Variants in ANTXR1 observed in about 807,000 individuals in gnomAD.
The protein encoded by ANTXR1 is ANTXR cell adhesion molecule 1.
ANTXR1 carries 19 observed loss-of-function variants against 78.1 expected under a neutral mutation model. The observed-to-expected ratio is 0.24, with a 90% CI of 0.17 to 0.36. ANTXR1 has a LOEUF of 0.36. ANTXR1 is among the 10% of genes least tolerant of loss of function. The probability of loss-of-function intolerance (pLI) is 1.00; values close to 1 mark genes in which losing one functional copy is unlikely to be tolerated. For missense variants in ANTXR1, 518 were observed against 718.6 expected (o/e 0.72, Z 3.19); for synonymous variants, 273 against 260.5 (o/e 1.05, Z -0.46).
chr2:69,242,718 A>C (rs1675923367), intron 17 of ANTXR1, among the ~76,000 whole-genome samples: 1 of 152,244 alleles, frequency 6.6e-6, no homozygotes, highest in African/African-American at 2.4e-5. Flanking sequence ...AGGGCAGAAC[A>C]GATAGCACAG....
intron 17 of ANTXR1, among the ~76,000 whole-genome samples, chr2:69,230,818 T>C (rs1319270853): frequency 6.6e-6 from 1 of 152,196 alleles, no homozygotes; most frequent in Non-Finnish European, 1.5e-5. Flanking sequence ...TTAACTTTTA[T>C]TTTAGGTTTG....
At chr2:69,145,938 A>G (rs1673214171) in intron 12 of ANTXR1, 4 of 985,600 alleles carry the variant, frequency 4.1e-6, no homozygotes, top group Non-Finnish European at 3.6e-6. Context: ...TGAAGTTCCA[A>G]ATGTATACCT....
At chr2:69,024,579 G>A (rs79701529) in intron 1 of ANTXR1, among the ~76,000 whole-genome samples, 2 of 152,080 alleles carry the variant, frequency 1.3e-5, no homozygotes, top group South Asian at 4.2e-4. Flanking sequence ...TGGGGGGAAG[G>A]GGTGATCATT....
At chr2:69,200,406 G>C (rs750816579) in intron 17 of ANTXR1, among the ~76,000 whole-genome samples, 1 of 152,216 alleles carries the variant, frequency 6.6e-6, no homozygotes, top group Admixed American at 6.5e-5. Context: ...CCCTACTGTC[G>C]CAGAGGCGAG....
chr2:69,242,501 A>C (rs1264829457), intron 17 of ANTXR1, among the ~76,000 whole-genome samples: 1 of 152,182 alleles, frequency 6.6e-6, no homozygotes, highest in Non-Finnish European at 1.5e-5. Flanking sequence ...AATTGAAGAG[A>C]ATAAGTACAT....
At chr2:69,021,364 A>G (rs1671183911) in intron 1 of ANTXR1, among the ~76,000 whole-genome samples, 1 of 152,264 alleles carries the variant, frequency 6.6e-6, no homozygotes, top group Non-Finnish European at 1.5e-5. Flanking sequence ...AAGGTAGGTC[A>G]GGTTATGCTG....
intron 12 of ANTXR1, among the ~76,000 whole-genome samples, chr2:69,129,639 T>C (rs1672659971): frequency 6.6e-6 from 1 of 151,810 alleles, no homozygotes; most frequent in African/African-American, 2.4e-5. Context: ...TAATCCCAGC[T>C]ACTCAGGAGG....
At chr2:69,215,834 C>T (rs1462222378) in intron 17 of ANTXR1, among the ~76,000 whole-genome samples, 1 of 152,226 alleles carries the variant, frequency 6.6e-6, no homozygotes, top group Non-Finnish European at 1.5e-5. Flanking sequence ...TCTTCAAATT[C>T]TTCACTTGGC....
Position 69,109,224 on chromosome 2 carries a change from T to C in ANTXR1, c.802+6284T>C, listed in dbSNP as rs118064484. On this transcript the variant is annotated intron_variant, in intron 10 of 17. Transcript: ENST00000303714. ...CGATGCACAGTTAAGAGTCAGTCAG[T>C]GTTGGCTGCTGGTACTACCATATCA... is the stretch of plus-strand genomic sequence containing the variant. 1.4e-3 allele frequency among the ~76,000 whole-genome samples: 206 copies of C among 152,302 alleles called. 2 individuals are homozygous for C. In the East Asian group the frequency reaches 0.024, roughly 18 times the overall value.
intron 14 of ANTXR1, among the ~76,000 whole-genome samples, chr2:69,181,324 A>G (rs1442650708): frequency 2.0e-5 from 3 of 152,196 alleles, no homozygotes; most frequent in Non-Finnish European, 4.4e-5. Context: ...AGAGAGAGGC[A>G]GTGGGGAAGA....
At chr2:69,155,942 A>G (rs1306996281) in intron 13 of ANTXR1, among the ~76,000 whole-genome samples, 6 of 152,144 alleles carry the variant, frequency 3.9e-5, no homozygotes, top group Non-Finnish European at 8.8e-5. Context: ...TGGGGCTCTC[A>G]GTTTCATGAC....
chr2:69,045,334 G>A (rs1669732180), intron 3 of ANTXR1, among the ~76,000 whole-genome samples: 1 of 152,120 alleles, frequency 6.6e-6, no homozygotes, highest in Non-Finnish European at 1.5e-5. Flanking sequence ...GTTAAACTAG[G>A]TAGATCTAGC....
rs564734158 is a variant in ANTXR1 at position 69,128,593 on chromosome 2, G to A, written c.951+3950G>A. Among the ~76,000 whole-genome samples the A allele has an allele frequency of 2.0e-5, 3 of 152,236 alleles. No homozygotes were observed. In the East Asian group the frequency reaches 5.8e-4, roughly 29 times the overall value. ...GAGATGGCCAAATTCATCCAGAAAAGGGGCCTCATATTCAAACATAAAACT... is the reference window on the plus strand; with the variant it reads ...GAGATGGCCAAATTCATCCAGAAAAAGGGCCTCATATTCAAACATAAAACT... On this transcript the variant is annotated intron_variant, in intron 12 of 17. Transcript: ENST00000303714.
At chr2:69,036,984 C>G (rs1464764274) in intron 1 of ANTXR1, among the ~76,000 whole-genome samples, 4 of 152,194 alleles carry the variant, frequency 2.6e-5, no homozygotes, top group African/African-American at 9.7e-5. Flanking sequence ...AAGCTTTAAG[C>G]CCAGGGCTAG....
intron 17 of ANTXR1, among the ~76,000 whole-genome samples, chr2:69,234,895 C>G (rs76865524): frequency 6.6e-6 from 1 of 151,056 alleles, no homozygotes; most frequent in Non-Finnish European, 1.5e-5. Context: ...CAGTAAGTTG[C>G]AGAACCAGAT....
chr2:69,160,985 A>G (rs754037022), intron 13 of ANTXR1, among the ~76,000 whole-genome samples: 1 of 152,218 alleles, frequency 6.6e-6, no homozygotes, highest in African/African-American at 2.4e-5. Context: ...GGCTGTATCA[A>G]TATCAACAAG....
chr2:69,145,968 G>T (rs568534127), intron 12 of ANTXR1: 1 of 985,444 alleles, frequency 1.0e-6, no homozygotes, highest in African/African-American at 1.7e-5. Context: ...GTGCCTTCTC[G>T]TCTTAAAAGA....
chr2:69,219,421 A>ACACACACACACACACACACACACACACC lies in ANTXR1; in HGVS notation c.1435-25803_1435-25802insACACACACACACACACACACACACACCC, dbSNP rs1305493104. ...CACACACACACACACACACACACAC[A>ACACACACACACACACACACACACACACC]CCCTACTGATGAAAATTAGGTTATC... On this transcript the variant is annotated intron_variant, in intron 17 of 17. Coordinates refer to ENST00000303714, the MANE Select transcript of ANTXR1 (RefSeq NM_032208.3). Among the ~76,000 whole-genome samples, 6 of 150,210 alleles carry ACACACACACACACACACACACACACACC rather than the reference A, an allele frequency of 4.0e-5. No homozygotes were observed. In the South Asian group the frequency reaches 6.3e-4, roughly 16 times the overall value.
chr2:69,198,636 T>C (rs904350724), intron 17 of ANTXR1, among the ~76,000 whole-genome samples: 1 of 152,230 alleles, frequency 6.6e-6, no homozygotes, highest in Non-Finnish European at 1.5e-5. Flanking sequence ...TCTACAATTT[T>C]ACAGTCAAAT....
Sources: allele counts gnomAD v4.1 joint callset (sites outside exome capture counted in the v4.1 genomes callset), GRCh38; gene constraint gnomAD v4.1.1; transcripts MANE v1.5; gene names NCBI Gene and HGNC (gene_info 2026-07-23, HGNC 2026-07-21).